Variants in STK4 observed in about 807,000 individuals in gnomAD.
STK4 encodes the protein serine/threonine-protein kinase 4.
A neutral mutation model predicts 64.9 loss-of-function variants in STK4; 30 were observed. That is an observed-to-expected ratio of 0.46 (90% CI 0.35 to 0.63). The LOEUF (loss-of-function observed/expected upper bound fraction) is 0.63. Among genes scored for constraint, STK4 ranks in the 20% least tolerant of loss-of-function variants. STK4 has a pLI of 0.01. For missense variants in STK4, 466 were observed against 598.5 expected, an observed-to-expected ratio of 0.78 and a Z score of 2.31; for synonymous variants, 177 against 199.0, an observed-to-expected ratio of 0.89 and a Z score of 0.93.
intron 1 of STK4, 24 bp downstream of exon 1, chr20:44,966,627 A>G: frequency 7.9e-7 from 1 of 1,272,548 alleles, no homozygotes. Flanking sequence ...GGCTAAGAGG[A>G]CGGGCATGGG....
intron 10 of STK4, among the ~76,000 whole-genome samples, chr20:45,047,454 T>TTCTCTAATATGGC (rs2068714397): frequency 1.3e-5 from 2 of 152,248 alleles, no homozygotes; most frequent in Non-Finnish European, 2.9e-5. Context: ...GTGCAGCCCT[T>TTCTCTAATATGGC]AGCGAATTGC....
At chr20:45,049,466 C>A (rs960147403) in intron 10 of STK4, among the ~76,000 whole-genome samples, 1 of 152,086 alleles carries the variant, frequency 6.6e-6, no homozygotes, top group Non-Finnish European at 1.5e-5. Context: ...GGAGGTTTTC[C>A]ACTTTTGGAA....
In STK4 at chr20:44,981,954, C is replaced by T; in HGVS notation, c.360+11C>T. 2.5e-6 allele frequency: 4 copies of T among 1,581,556 alleles called. No individual in the cohort carries two copies. Among genetic ancestry groups the T allele is most frequent in the Non-Finnish European group, 2.6e-6 (3 of 1,150,642 alleles). On this transcript the variant is annotated intron_variant, in intron 4 of 10. Transcript: ENST00000372806. Reference sequence around the variant, plus strand: ...TTACGAAATAAAACGGTAGGTTTACCTTCTAGAACATGCAACTGAGCTAGT... The same window carrying T: ...TTACGAAATAAAACGGTAGGTTTACTTTCTAGAACATGCAACTGAGCTAGT...
At chr20:45,020,258 C>T (rs1003879894) in intron 9 of STK4, among the ~76,000 whole-genome samples, 2 of 152,052 alleles carry the variant, frequency 1.3e-5, no homozygotes, top group African/African-American at 4.8e-5. Flanking sequence ...AAGGCTTTTC[C>T]CCCTCTACTT....
intron 2 of STK4, among the ~76,000 whole-genome samples, chr20:44,976,559 G>A (rs763500314): frequency 2.6e-5 from 4 of 152,134 alleles, no homozygotes; most frequent in African/African-American, 7.2e-5. Context: ...AGCCACAGTC[G>A]ATGTTGGAAC....
chr20:45,031,904 CAAA>C (rs11431524), intron 10 of STK4, among the ~76,000 whole-genome samples: 2 of 75,650 alleles, frequency 2.6e-5, no homozygotes, highest in Non-Finnish European at 2.6e-5. Context: ...GACTTCATCT[CAAA>C]AAAAAAAAAA....
At chr20:45,016,032 C>T (rs1170277875) in intron 9 of STK4, among the ~76,000 whole-genome samples, 1 of 151,912 alleles carries the variant, frequency 6.6e-6, no homozygotes, top group Non-Finnish European at 1.5e-5. Context: ...TAGGTGCCAC[C>T]CCAGGAATGC....
At chr20:44,988,035 T>A (rs1228866501) in intron 5 of STK4, among the ~76,000 whole-genome samples, 1 of 152,008 alleles carries the variant, frequency 6.6e-6, no homozygotes, top group Non-Finnish European at 1.5e-5. Flanking sequence ...TCAGGTATTG[T>A]AACAGCACAG....
intron 1 of STK4, among the ~76,000 whole-genome samples, chr20:44,971,256 T>G (rs1568676143): frequency 6.6e-6 from 1 of 152,334 alleles, no homozygotes; most frequent in East Asian, 1.9e-4. Flanking sequence ...CTGAATTATC[T>G]GGAAATTGTG....
At chr20:44,971,982 A>G in intron 1 of STK4, 96 bp from the exon 2 acceptor site, 1 of 1,201,700 alleles carries the variant, frequency 8.3e-7, no homozygotes, top group Non-Finnish European at 1.2e-6. Flanking sequence ...TGTATAGAGA[A>G]GTTCCTGAGA....
chr20:45,032,074 C>A, intron 10 of STK4, among the ~76,000 whole-genome samples: 1 of 151,930 alleles, frequency 6.6e-6, no homozygotes, highest in Non-Finnish European at 1.5e-5. Context: ...ATAGAAGGAG[C>A]AATGAGAATA....
chr20:45,052,234 T>C (rs1204838628), intron 10 of STK4, among the ~76,000 whole-genome samples: 1 of 152,042 alleles, frequency 6.6e-6, no homozygotes, highest in African/African-American at 2.4e-5. Flanking sequence ...GTTTAGAGAC[T>C]GAAGAAAAGC....
At chr20:45,052,968 G>T in intron 10 of STK4, 1 of 716,056 alleles carries the variant, frequency 1.4e-6, no homozygotes, top group East Asian at 2.6e-5. Context: ...TTCTTGACAG[G>T]GTACACTATT....
At chr20:44,988,217 A>G (rs959157942) in intron 5 of STK4, among the ~76,000 whole-genome samples, 11 of 152,012 alleles carry the variant, frequency 7.2e-5, no homozygotes, top group African/African-American at 2.4e-4. Flanking sequence ...GATGGTCTAT[A>G]AAATAATATA....
intron 1 of STK4, among the ~76,000 whole-genome samples, chr20:44,970,198 G>C (rs1199548290): frequency 1.3e-5 from 2 of 151,680 alleles, no homozygotes; most frequent in Non-Finnish European, 2.9e-5. Flanking sequence ...CCTGCACATT[G>C]TGCACATGTA....
At chr20:45,052,065 G>A (rs1034484107) in intron 10 of STK4, among the ~76,000 whole-genome samples, 6 of 152,190 alleles carry the variant, frequency 3.9e-5, no homozygotes, top group Non-Finnish European at 8.8e-5. Flanking sequence ...TGTAATGCAC[G>A]TAAAGCACCT....
At chr20:45,037,857 C>A (rs1333679275) in intron 10 of STK4, among the ~76,000 whole-genome samples, 1 of 152,140 alleles carries the variant, frequency 6.6e-6, no homozygotes, top group African/African-American at 2.4e-5. Flanking sequence ...AGAAATCAGA[C>A]ACTTGCTGGG....
At chr20:45,030,465 A>G (rs1352344272) in intron 10 of STK4, among the ~76,000 whole-genome samples, 1 of 152,220 alleles carries the variant, frequency 6.6e-6, no homozygotes, top group Non-Finnish European at 1.5e-5. Flanking sequence ...TTATGAAAAA[A>G]GATAATTCTG....
chr20:45,064,831 T>G (rs911424737), intron 10 of STK4, among the ~76,000 whole-genome samples: 1 of 152,256 alleles, frequency 6.6e-6, no homozygotes, highest in Non-Finnish European at 1.5e-5. Flanking sequence ...AAGTGGTTTA[T>G]CAGATCAAGG....
Sources: allele counts gnomAD v4.1 joint callset (sites outside exome capture counted in the v4.1 genomes callset), GRCh38; gene constraint gnomAD v4.1.1; transcripts MANE v1.5; gene names NCBI Gene and HGNC (gene_info 2026-07-23, HGNC 2026-07-21).